The following PRDM10 variants were observed in gnomAD, a reference collection of about 807,000 sequenced individuals.
The protein encoded by PRDM10 is PR/SET domain 10.
A neutral mutation model predicts 133.1 loss-of-function variants in PRDM10; 65 were observed. The observed-to-expected ratio is 0.49, with a 90% CI of 0.40 to 0.60. The LOEUF is 0.60. PRDM10 is among the 20% of genes least tolerant of loss of function. The pLI is 0.00. For missense variants in PRDM10, 1,137 were observed against 1,507.1 expected (o/e 0.75, Z 4.07); for synonymous variants, 582 against 580.4 (o/e 1.00, Z -0.04).
At chr11:129,957,231 C>T (rs747559686) in intron 3 of PRDM10, among the ~76,000 whole-genome samples, 7 of 152,204 alleles carry the variant, frequency 4.6e-5, no homozygotes, top group Non-Finnish European at 8.8e-5. Flanking sequence ...GAGCTATATA[C>T]GAACCCATGC....
rs774682934 is a variant in PRDM10 at position 129,914,759 on chromosome 11, G to A, written c.2786C>T (p.Ala929Val). 1.5e-5 allele frequency: 25 copies of A among 1,614,116 alleles called. No individual in the cohort carries two copies. The highest frequency in any genetic ancestry group is 5.0e-5 in the Admixed American group (3 of 60,014). The stretch of plus-strand genomic sequence containing the variant: ...GTGCTGAGGCTGCTGGAGGCCAGAC[G>A]CCGACTGCGACACAGGGATGTACTG... Reference protein sequence around the residue: ...RIQYIPVSQSASGLQQPQHIQ... With the variant: ...RIQYIPVSQSVSGLQQPQHIQ... Residue 929 changes from alanine (A) to valine (V), a missense_variant, in exon 17 of 21, where the codon GCG becomes GTG. Ala to Val is a moderately conservative substitution (Grantham distance 64). This residue lies in a region of PRDM10 where 113 missense variants were observed against 143.7 expected (regional missense o/e 0.79). Transcript: ENST00000360871.
intron 1 of PRDM10, among the ~76,000 whole-genome samples, chr11:129,984,326 T>C (rs934338355): frequency 1.3e-5 from 2 of 152,206 alleles, no homozygotes; most frequent in African/African-American, 2.4e-5. Flanking sequence ...AACTGTGTAC[T>C]TTTCTAGACT....
rs1254882371 is a variant in PRDM10, at chr11:129,923,550, G to A, written c.1879-147C>T. The A allele has an allele frequency of 8.6e-6, 7 of 816,192 alleles. No individual in the cohort carries two copies. The highest frequency in any genetic ancestry group is 1.3e-5 in the Non-Finnish European group (7 of 552,284). The allele number at this position is 816,192 out of a possible 1,614,324, so 50.6% of individuals were successfully genotyped here. ...AGGAATCCAATCAGATGTGATAATT[G>A]GCCTCAATAACACATACTGTCCCTG... On this transcript the variant is annotated intron_variant, in intron 12 of 20. Coordinates refer to ENST00000360871, the MANE Select transcript of PRDM10 (RefSeq NM_199437.2). The surrounding 1 kb of genome is among the most constrained non-coding windows in gnomAD (Gnocchi z 4.4).
intron 11 of PRDM10, among the ~76,000 whole-genome samples, chr11:129,928,597 G>A (rs1345718318): frequency 4.0e-5 from 6 of 151,728 alleles, no homozygotes; most frequent in Admixed American, 6.6e-5. Flanking sequence ...GTTTCACCAC[G>A]TTGCCCAGGT....
At chr11:129,966,024 A>G (rs1174474919) in intron 1 of PRDM10, among the ~76,000 whole-genome samples, 1 of 152,038 alleles carries the variant, frequency 6.6e-6, no homozygotes, top group Admixed American at 6.6e-5. Context: ...CGGGCAGATC[A>G]CTTGAGGTCA....
chr11:129,903,892 G>A (rs1044785830), intron 20 of PRDM10, among the ~76,000 whole-genome samples: 2 of 152,160 alleles, frequency 1.3e-5, no homozygotes, highest in Non-Finnish European at 2.9e-5. Flanking sequence ...CATTAAATTA[G>A]TGTGCACATA....
chr11:129,973,279 T>C (rs746522168), intron 1 of PRDM10, among the ~76,000 whole-genome samples: 1 of 152,222 alleles, frequency 6.6e-6, no homozygotes, highest in Non-Finnish European at 1.5e-5. Flanking sequence ...TTAACAGTTC[T>C]ATGCAAATGT....
chr11:129,985,509 G>A (rs780594402), intron 1 of PRDM10, among the ~76,000 whole-genome samples: 9 of 151,932 alleles, frequency 5.9e-5, no homozygotes, highest in Non-Finnish European at 1.3e-4. Flanking sequence ...ATATGGTATT[G>A]GGCAGGGCAC....
At chr11:129,944,600 A>G (rs1265581848) in intron 6 of PRDM10, among the ~76,000 whole-genome samples, 171 bp downstream of exon 6, 1 of 151,986 alleles carries the variant, frequency 6.6e-6, no homozygotes, top group Non-Finnish European at 1.5e-5. Flanking sequence ...AAAAAAAAAA[A>G]ATTGCAATCT....
intron 7 of PRDM10, among the ~76,000 whole-genome samples, chr11:129,939,530 A>T (rs11221906): frequency 0.31 from 47,068 of 151,980 alleles, 7,384 homozygotes; most frequent in Non-Finnish European, 0.33. Context: ...TTCACACTCT[A>T]GGGCCTTCTA....
At chr11:129,929,315 T>A in intron 11 of PRDM10, 1 of 1,241,322 alleles carries the variant, frequency 8.1e-7, no homozygotes, top group South Asian at 1.6e-5. Flanking sequence ...CAAACTGTGG[T>A]TTCCACCAGG....
intron 9 of PRDM10, among the ~76,000 whole-genome samples, chr11:129,933,795 G>A (rs971895250): frequency 1.7e-4 from 26 of 152,104 alleles, no homozygotes; most frequent in African/African-American, 6.3e-4. Context: ...AAATCTCACT[G>A]TGTCCACCCC....
intron 1 of PRDM10, among the ~76,000 whole-genome samples, chr11:129,967,215 C>T (rs1397905497): frequency 6.6e-6 from 1 of 151,996 alleles, no homozygotes; most frequent in Non-Finnish European, 1.5e-5. Flanking sequence ...ATGGTGAAAC[C>T]CCATCTCTAC....
intron 1 of PRDM10, among the ~76,000 whole-genome samples, chr11:129,963,382 GAGAGAAGAGAAGAGAAGAGAAGAGA>G (rs200446357): frequency 1.2e-4 from 9 of 74,642 alleles, no homozygotes; most frequent in South Asian, 9.9e-4. Flanking sequence ...AAAGAAAAAA[GAGAGAAGAGAAGAGAAGAGAAGAGA>G]AGAGAAGAGA....
chr11:129,906,145 A>G (rs930942135), intron 19 of PRDM10, among the ~76,000 whole-genome samples: 1 of 152,172 alleles, frequency 6.6e-6, no homozygotes, highest in Non-Finnish European at 1.5e-5. Context: ...TTATTTCACC[A>G]CCAGTGTTAT....
intron 15 of PRDM10, among the ~76,000 whole-genome samples, chr11:129,916,423 G>C (rs536584105): frequency 6.6e-6 from 1 of 152,206 alleles, no homozygotes; most frequent in African/African-American, 2.4e-5. Flanking sequence ...CGAGGCGGGC[G>C]ATCACCTGAG....
chr11:129,909,031 G>A (rs1025441253), intron 19 of PRDM10, among the ~76,000 whole-genome samples: 6 of 151,482 alleles, frequency 4.0e-5, no homozygotes, highest in African/African-American at 1.5e-4. Context: ...CGCCTGGCCC[G>A]CTCCACTCTC....
intron 1 of PRDM10, among the ~76,000 whole-genome samples, chr11:129,973,292 AAGGT>A (rs1937613857): frequency 6.6e-6 from 1 of 152,218 alleles, no homozygotes; most frequent in African/African-American, 2.4e-5. Context: ...GCAAATGTTC[AAGGT>A]CTGTGAACCA....
rs1432271761 is a variant in PRDM10 at position 129,901,101 on chromosome 11, C to G, written c.*1212G>C. The G allele has an allele frequency of 1.3e-5, 2 of 152,400 alleles. No homozygotes were observed. Among genetic ancestry groups the G allele is most frequent in the African/African-American group, 4.8e-5 (2 of 41,386 alleles). 9.4% of individuals were successfully genotyped at this position (152,400 alleles called of 1,614,324 possible). On this transcript the variant is annotated 3_prime_UTR_variant, in exon 21 of 21. Transcript: ENST00000360871. ...AAAATATATACTGATTTTTTAATGC[C>G]CAACTAATAGTATATTCATAAAGAC... is the stretch of plus-strand genomic sequence containing the variant.
Sources: gnomAD v4.1 joint callset for allele counts (sites outside exome capture counted in the v4.1 genomes callset) on GRCh38, gnomAD v4.1.1 for gene constraint, gnomAD v4.1.1 regional missense constraint, Gnocchi (gnomAD v3.1) non-coding constraint, MANE v1.5 for transcripts, NCBI Gene and HGNC (gene_info 2026-07-23, HGNC 2026-07-21) for gene names.